Variants in CSMD3 observed in about 807,000 individuals in gnomAD.
The protein encoded by CSMD3 is CUB and sushi domain-containing protein 3.
CSMD3 carries 177 observed loss-of-function variants against 435.2 expected under a neutral mutation model. That is an observed-to-expected ratio of 0.41 (90% CI 0.36 to 0.46). The LOEUF is 0.46. CSMD3 is among the 20% of genes least tolerant of loss of function. The probability of loss-of-function intolerance (pLI) is 0.34; values close to 1 mark genes in which losing one functional copy is unlikely to be tolerated. For missense variants in CSMD3, 4,265 were observed against 4,504.6 expected, an observed-to-expected ratio of 0.95 and a Z score of 1.52; for synonymous variants, 1,656 against 1,520.5, an observed-to-expected ratio of 1.09 and a Z score of -2.07.
intron 1 of CSMD3, among the ~76,000 whole-genome samples, chr8:113,432,110 T>G (rs1168806084): frequency 1.3e-5 from 2 of 152,178 alleles, no homozygotes; most frequent in Non-Finnish European, 2.9e-5. Flanking sequence ...TCTGCTCACA[T>G]ACTCTTCCAA....
chr8:112,855,778 T>A (rs1335691868), intron 11 of CSMD3, among the ~76,000 whole-genome samples: 1 of 151,024 alleles, frequency 6.6e-6, no homozygotes, highest in African/African-American at 2.4e-5. Flanking sequence ...GTTAATAGGA[T>A]ATGATTCCCT....
chr8:112,412,042 C>T (rs1811405567), intron 32 of CSMD3, among the ~76,000 whole-genome samples: 1 of 151,950 alleles, frequency 6.6e-6, no homozygotes, highest in Non-Finnish European at 1.5e-5. Context: ...TTTTAACATT[C>T]CTGATTATCT....
intron 32 of CSMD3, among the ~76,000 whole-genome samples, chr8:112,437,320 T>C (rs1397409118): frequency 2.0e-5 from 3 of 152,160 alleles, no homozygotes; most frequent in Admixed American, 6.6e-5. Flanking sequence ...TTACATTTCA[T>C]TGATTTTAAA....
chr8:113,042,158 G>A (rs1352208840), intron 5 of CSMD3, among the ~76,000 whole-genome samples: 7 of 152,166 alleles, frequency 4.6e-5, no homozygotes, highest in African/African-American at 1.7e-4. Context: ...ATGTCCACCT[G>A]CATTTGTTTT....
intron 18 of CSMD3, among the ~76,000 whole-genome samples, chr8:112,653,158 C>G (rs776388809): frequency 2.0e-5 from 3 of 152,122 alleles, no homozygotes; most frequent in Non-Finnish European, 2.9e-5. Flanking sequence ...ACATAATTTT[C>G]AGAAGTTCAT....
chr8:113,225,925 C>T (rs2093022832), intron 3 of CSMD3, among the ~76,000 whole-genome samples: 1 of 151,328 alleles, frequency 6.6e-6, no homozygotes, highest in Non-Finnish European at 1.5e-5. Context: ...GAAGGCTGTT[C>T]CCCCCTGCTG....
chr8:112,402,785 C>T lies in CSMD3; in HGVS notation c.5809+3739G>A, dbSNP rs1831450152. Among the ~76,000 whole-genome samples, 4 of 152,112 alleles carry T rather than the reference C, an allele frequency of 2.6e-5. No homozygotes were observed. In the South Asian group the frequency reaches 8.3e-4, roughly 32 times the overall value. On this transcript the variant is annotated intron_variant, in intron 35 of 70. Coordinates refer to ENST00000297405, the MANE Select transcript of CSMD3 (RefSeq NM_198123.2). ...TATGTGTCTGTCTTCAATTATTAAA[C>T]TGATTTCAAGCAATGTAATTTCCAA...
At chr8:112,962,362 T>G (rs2130869057) in intron 7 of CSMD3, among the ~76,000 whole-genome samples, 1 of 152,002 alleles carries the variant, frequency 6.6e-6, no homozygotes, top group East Asian at 1.9e-4. Flanking sequence ...GCACTCAACA[T>G]AAGAAATCAC....
intron 3 of CSMD3, among the ~76,000 whole-genome samples, chr8:113,247,019 A>C (rs59409766): frequency 0.1 from 15,843 of 152,176 alleles, 966 homozygotes; most frequent in Middle Eastern, 0.17. Flanking sequence ...GAGTTTTCTA[A>C]GGTATTCTCT....
At position 112,899,662 on chromosome 8, in the gene CSMD3, T is replaced by TACACACAC. The variant is rs60352918; in HGVS notation, c.1633+21957_1633+21964dup. 5.8e-5 allele frequency among the ~76,000 whole-genome samples: 7 copies of TACACACAC among 121,684 alleles called. No homozygotes were observed. In the East Asian group the frequency reaches 1.2e-3, roughly 21 times the overall value. 79.8% of individuals were successfully genotyped at this position (121,684 alleles called of 152,430 possible). On this transcript the variant is annotated intron_variant, in intron 10 of 70. Transcript: ENST00000297405. ...ATACATATATGTGTACGCAAATACATACACACACACACACACACACACACA... is the reference window on the plus strand; with the variant it reads ...ATACATATATGTGTACGCAAATACATACACACACACACACACACACACACACACACACA...
intron 30 of CSMD3, among the ~76,000 whole-genome samples, chr8:112,498,968 G>C (rs925981751): frequency 1.3e-5 from 2 of 152,132 alleles, no homozygotes; most frequent in African/African-American, 4.8e-5. Context: ...TAATTACTGT[G>C]TGTAGGCACT....
chr8:113,206,887 T>G lies in CSMD3; in HGVS notation c.515-32971A>C, dbSNP rs550324110. ...AGTACAATTCTTGTACAAATATTCT[T>G]ACATACTATCAAGTTTGTTTCTACA... On this transcript the variant is annotated intron_variant, in intron 3 of 70. Transcript: ENST00000297405. Among the ~76,000 whole-genome samples, 5 of 152,312 alleles carry G rather than the reference T, an allele frequency of 3.3e-5. No homozygotes were observed. In the South Asian group the frequency reaches 1.0e-3, roughly 32 times the overall value.
intron 4 of CSMD3, among the ~76,000 whole-genome samples, chr8:113,128,495 A>C (rs1248774894): frequency 6.6e-6 from 1 of 152,052 alleles, no homozygotes; most frequent in East Asian, 1.9e-4. Context: ...TGCTTATGTC[A>C]AAACAAAATT....
intron 10 of CSMD3, among the ~76,000 whole-genome samples, chr8:112,916,298 A>C (rs1199566449): frequency 1.3e-5 from 2 of 151,860 alleles, no homozygotes. Context: ...GGAGTTTTGA[A>C]TTTAAGTGAT....
intron 3 of CSMD3, among the ~76,000 whole-genome samples, chr8:113,270,374 G>C (rs1163949062): frequency 6.6e-6 from 1 of 151,898 alleles, no homozygotes; most frequent in Non-Finnish European, 1.5e-5. Context: ...TACACTGTTG[G>C]TGGGACTGTA....
At chr8:112,608,237 A>T (rs1364101379) in intron 22 of CSMD3, among the ~76,000 whole-genome samples, 1 of 152,178 alleles carries the variant, frequency 6.6e-6, no homozygotes, top group African/African-American at 2.4e-5. Flanking sequence ...ACTTAGGTAG[A>T]AATTTAACGA....
chr8:113,013,033 T>G (rs1427375922), intron 6 of CSMD3, among the ~76,000 whole-genome samples: 2 of 152,046 alleles, frequency 1.3e-5, no homozygotes, highest in Non-Finnish European at 2.9e-5. Context: ...AATATATCAT[T>G]GAACATATTA....
At chr8:113,165,738 A>AATG (rs1413328790) in intron 4 of CSMD3, among the ~76,000 whole-genome samples, 2 of 152,156 alleles carry the variant, frequency 1.3e-5, no homozygotes, top group African/African-American at 4.8e-5. Flanking sequence ...TTAAAATAAG[A>AATG]ATGATAGATG....
In CSMD3 at chr8:112,406,534, A is replaced by G. The variant is rs1831876035; in HGVS notation, c.5799T>C (p.Pro1933=). ...AATTTATATACTCACCAATACAAGT[A>G]GGTAAGGAATCATTCCACTGGGCCA... The part of the protein sequence containing the change: ...NSLAQWNDSL[P]TCIVPCGGIL... The change falls in exon 35 of 71, where the codon CCT becomes CCC. Residue 1933 remains proline, a synonymous_variant. Coordinates refer to ENST00000297405, the MANE Select transcript of CSMD3 (RefSeq NM_198123.2). 1 of 1,603,580 alleles carries G rather than the reference A, an allele frequency of 6.2e-7. No homozygotes were observed. Among genetic ancestry groups the G allele is most frequent in the Non-Finnish European group, 8.5e-7 (1 of 1,171,390 alleles).
Sources: gnomAD v4.1 joint callset for allele counts (sites outside exome capture counted in the v4.1 genomes callset) on GRCh38, gnomAD v4.1.1 for gene constraint, MANE v1.5 for transcripts, NCBI Gene and HGNC (gene_info 2026-07-23, HGNC 2026-07-21) for gene names.